LAMP2: variants seen among roughly 807,000 people sequenced by gnomAD.
The protein encoded by LAMP2 is lysosome-associated membrane glycoprotein 2.
Under a neutral mutation model 25.6 loss-of-function variants are expected in LAMP2, and 4 were observed. That is an observed-to-expected ratio of 0.16 (90% CI 0.08 to 0.36). The LOEUF (loss-of-function observed/expected upper bound fraction) is 0.36. LAMP2 is among the 10% of genes least tolerant of loss of function. The pLI is 1.00. For missense variants in LAMP2, 272 were observed against 301.4 expected (o/e 0.90, Z 0.72); for synonymous variants, 108 against 112.7 (o/e 0.96, Z 0.27).
At chrX:120,455,942 G>GC (rs751574418) in intron 2 of LAMP2, among the ~76,000 whole-genome samples, 2 of 51,877 alleles carry the variant, frequency 3.9e-5, no homozygotes, top group East Asian at 1.9e-3. Flanking sequence ...TGCAGTTTGT[G>GC]CCAAAAAAAA....
chrX:120,460,519 T>C (rs1375679760), intron 1 of LAMP2, among the ~76,000 whole-genome samples: 1 of 112,323 alleles, frequency 8.9e-6, no homozygotes, highest in East Asian at 2.8e-4. Context: ...TTATCCATTT[T>C]TCAACTTGAT....
At chrX:120,439,833 G>A (rs1466065910) in intron 8 of LAMP2, among the ~76,000 whole-genome samples, 2 of 110,702 alleles carry the variant, frequency 1.8e-5, no homozygotes, top group South Asian at 3.9e-4. Context: ...TAGCCTCTCA[G>A]TGGTAGAGTG....
chrX:120,455,634 G>A, intron 2 of LAMP2, 64 bp from the exon 3 acceptor site: 7 of 881,620 alleles, frequency 7.9e-6, no homozygotes, highest in South Asian at 6.1e-5. Context: ...AAGCATTTAT[G>A]TAGGGCATGC....
At chrX:120,466,015 T>C (rs1921517224) in intron 1 of LAMP2, among the ~76,000 whole-genome samples, 1 of 111,812 alleles carries the variant, frequency 8.9e-6, no homozygotes, top group Non-Finnish European at 1.9e-5. Flanking sequence ...TATTTCATCC[T>C]GGAACCTCTT....
chrX:120,455,664 C>A, intron 2 of LAMP2, 94 bp from the exon 3 acceptor site: 2 of 697,456 alleles, frequency 2.9e-6, no homozygotes, highest in South Asian at 2.4e-5. Flanking sequence ...CTAAATCATA[C>A]ATTCTCCATG....
chrX:120,434,694 G>GT (rs750141640), intron 8 of LAMP2, among the ~76,000 whole-genome samples: 1 of 112,114 alleles, frequency 8.9e-6, no homozygotes, highest in Non-Finnish European at 1.9e-5. Flanking sequence ...TAAAATTTCA[G>GT]TAAGAAGTTT....
rs1402541155 is a variant in LAMP2, at chrX:120,429,776, C to T, written c.*1547G>A. 1.3e-6 allele frequency: 1 copy of T among 752,114 alleles called. No individual in the cohort carries two copies. Among genetic ancestry groups the T allele is most frequent in the Non-Finnish European group, 1.6e-6 (1 of 638,871 alleles). The allele number at this position is 752,114 out of a possible 1,213,427, so 62.0% of individuals were successfully genotyped here. A position where few individuals can be genotyped will look rare whatever the true frequency, so the allele number is the denominator to read the frequency against. ...AAAATGCTAGTAATAGTTTTGTTGC[C>T]CACTTGATATGGAACCTCAATGAAT... is the stretch of plus-strand genomic sequence containing the variant. On this transcript the variant is annotated 3_prime_UTR_variant, in exon 9 of 9. Coordinates refer to ENST00000200639, the MANE Select transcript of LAMP2 (RefSeq NM_002294.3).
At chrX:120,469,020 C>A in intron 1 of LAMP2, 86 bp downstream of exon 1, 2 of 1,039,512 alleles carry the variant, frequency 1.9e-6, no homozygotes, top group Non-Finnish European at 1.4e-6. Flanking sequence ...ACCCCCTCCC[C>A]CTCGGACCAG....
Position 120,429,176 on chromosome X carries a change from A to ATG in LAMP2, c.*2146_*2147insCA. 1 of 725,424 alleles carries ATG rather than the reference A, an allele frequency of 1.4e-6. No individual in the cohort carries two copies. The highest frequency in any genetic ancestry group is 1.6e-6 in the Non-Finnish European group (1 of 618,522). The allele number at this position is 725,424 out of a possible 1,213,427, so 59.8% of individuals were successfully genotyped here. Reference sequence around the variant, plus strand: ...TGTGTGTGTACATATATATATATATACACACACACACAATTATTTTTAGCT... The same window carrying ATG: ...TGTGTGTGTACATATATATATATATATGCACACACACACAATTATTTTTAGCT... On this transcript the variant is annotated 3_prime_UTR_variant, in exon 9 of 9. Transcript: ENST00000200639.
intron 7 of LAMP2, among the ~76,000 whole-genome samples, chrX:120,442,275 G>A (rs766347327): frequency 1.9e-5 from 2 of 104,413 alleles, no homozygotes; most frequent in South Asian, 8.8e-4. Context: ...GGGTTTTTCA[G>A]TGAAGGCCTG....
intron 1 of LAMP2, among the ~76,000 whole-genome samples, chrX:120,466,405 T>C (rs1921531995): frequency 8.9e-6 from 1 of 112,199 alleles, no homozygotes; most frequent in Non-Finnish European, 1.9e-5. Flanking sequence ...GATGCCTTGG[T>C]CAGATGTGTT....
intron 3 of LAMP2, 30 bp from the exon 4 acceptor site, chrX:120,449,158 C>T (rs780665912): frequency 1.8e-6 from 2 of 1,106,415 alleles, no homozygotes; most frequent in Non-Finnish European, 2.5e-6. Context: ...ATGGCTATTT[C>T]CAAGAAGGTA....
At chrX:120,439,586 CATAT>C in intron 8 of LAMP2, among the ~76,000 whole-genome samples, 1 of 108,660 alleles carries the variant, frequency 9.2e-6, no homozygotes, top group South Asian at 3.9e-4. Context: ...TTGTAATGTG[CATAT>C]ATTATATGCA....
Position 120,431,118 on chromosome X carries a change from G to T in LAMP2, c.*205C>A. On this transcript the variant is annotated 3_prime_UTR_variant, in exon 9 of 9. Coordinates refer to ENST00000200639, the MANE Select transcript of LAMP2 (RefSeq NM_002294.3). The stretch of plus-strand genomic sequence containing the variant: ...TTCTTTTGAACAAGTTTGTCTCCAG[G>T]ACCAGTAAATATGACACTTTGGATT... 9.5e-7 allele frequency: 1 copy of T among 1,053,716 alleles called. No homozygotes were observed. The highest frequency in any genetic ancestry group is 1.2e-6 in the Non-Finnish European group (1 of 816,380). The allele number at this position is 1,053,716 out of a possible 1,213,427, so 86.8% of individuals were successfully genotyped here.
intron 6 of LAMP2, among the ~76,000 whole-genome samples, chrX:120,445,252 G>A (rs2058590914): frequency 1.8e-5 from 2 of 112,216 alleles, no homozygotes; most frequent in Non-Finnish European, 3.8e-5. Context: ...TAATTCACTG[G>A]TCACATGGTA....
At position 120,429,750 on chromosome X, in the gene LAMP2, C is replaced by G. The variant is rs1185206835; in HGVS notation, c.*1573G>C. 2 of 751,993 alleles carry G rather than the reference C, an allele frequency of 2.7e-6. No individual in the cohort carries two copies. The highest frequency in any genetic ancestry group is 3.0e-4 in the East Asian group (2 of 6,577). 62.0% of individuals were successfully genotyped at this position (751,993 alleles called of 1,213,427 possible). Reference sequence around the variant, plus strand: ...AGATTTCATTAGGGGCAATTTTTATCAAAATGCTAGTAATAGTTTTGTTGC... The same window carrying G: ...AGATTTCATTAGGGGCAATTTTTATGAAAATGCTAGTAATAGTTTTGTTGC... On this transcript the variant is annotated 3_prime_UTR_variant, in exon 9 of 9. Coordinates refer to ENST00000200639, the MANE Select transcript of LAMP2 (RefSeq NM_002294.3).
chrX:120,452,730 T>C (rs2058627424), intron 3 of LAMP2, among the ~76,000 whole-genome samples: 2 of 100,343 alleles, frequency 2.0e-5, no homozygotes, highest in South Asian at 9.5e-4. Flanking sequence ...TTTTTTTTTT[T>C]TTTTGTAGAG....
intron 8 of LAMP2, chrX:120,436,471 C>T (rs1397467382): frequency 1.1e-5 from 8 of 734,402 alleles, no homozygotes; most frequent in Middle Eastern, 7.6e-4. Context: ...TGACTTTAAC[C>T]AACGGGAAAA....
rs374689139 is a variant in LAMP2 at position 120,441,725 on chromosome X, C to T, written c.1093+5G>A. 1.7e-6 allele frequency: 2 copies of T among 1,196,584 alleles called. No individual in the cohort carries two copies. Among genetic ancestry groups the T allele is most frequent in the Non-Finnish European group, 2.3e-6 (2 of 883,096 alleles). ...AATTATTAATGAAGTTTGCTTGATT[C>T]TTACCTGTAGAATACTTTCCTTGTG... On this transcript the variant is annotated splice_donor_5th_base_variant and intron_variant, in intron 8 of 8. Coordinates refer to ENST00000200639, the MANE Select transcript of LAMP2 (RefSeq NM_002294.3).
Sources: gnomAD v4.1 joint callset for allele counts (sites outside exome capture counted in the v4.1 genomes callset) on GRCh38, gnomAD v4.1.1 for gene constraint, MANE v1.5 for transcripts, NCBI Gene and HGNC (gene_info 2026-07-23, HGNC 2026-07-21) for gene names.